The following AGFG1 variants were observed in gnomAD, a reference collection of about 807,000 sequenced individuals.
AGFG1 encodes arf-GAP domain and FG repeat-containing protein 1.
AGFG1 carries 10 observed loss-of-function variants against 60.6 expected under a neutral mutation model. The ratio of observed to expected loss-of-function variants is 0.16; its 90% CI spans 0.10 to 0.28. The LOEUF is 0.28. Ranked by LOEUF, AGFG1 falls within the 10% of genes least tolerant of loss-of-function variation. The pLI is 1.00. For missense variants in AGFG1, 537 were observed against 676.5 expected (o/e 0.79, Z 2.29); for synonymous variants, 247 against 242.9 (o/e 1.02, Z -0.16).
intron 2 of AGFG1, among the ~76,000 whole-genome samples, chr2:227,497,761 T>TTTTTTTTTTTTTTTG (rs546987888): frequency 8.7e-4 from 57 of 65,156 alleles, no homozygotes; most frequent in Non-Finnish European, 1.5e-3. Flanking sequence ...TTTTTTTTTT[T>TTTTTTTTTTTTTTTG]GGGGACGGAG....
intron 1 of AGFG1, among the ~76,000 whole-genome samples, chr2:227,482,775 G>T (rs536610509): frequency 1.3e-5 from 2 of 152,306 alleles, no homozygotes; most frequent in South Asian, 4.1e-4. Flanking sequence ...GCAGCACACT[G>T]ATGGACATAT....
At chr2:227,475,555 A>G (rs1345004203) in intron 1 of AGFG1, among the ~76,000 whole-genome samples, 1 of 152,242 alleles carries the variant, frequency 6.6e-6, no homozygotes, top group Non-Finnish European at 1.5e-5. Context: ...GAAGAATAAT[A>G]TAACTCTTGG....
intron 10 of AGFG1, among the ~76,000 whole-genome samples, chr2:227,543,274 G>A (rs903409198): frequency 1.1e-4 from 16 of 152,018 alleles, no homozygotes; most frequent in African/African-American, 3.9e-4. Context: ...TATCTTTCCT[G>A]CTTTCTCGTG....
chr2:227,551,848 T>C (rs1692830966), intron 10 of AGFG1, 111 bp from the exon 11 acceptor site: 1 of 1,317,804 alleles, frequency 7.6e-7, no homozygotes. Context: ...CTGCCTTTAA[T>C]GTACATCTTA....
intron 10 of AGFG1, among the ~76,000 whole-genome samples, chr2:227,548,091 G>A (rs1430654464): frequency 6.6e-6 from 1 of 152,164 alleles, no homozygotes; most frequent in East Asian, 1.9e-4. Flanking sequence ...GTCACAAAAG[G>A]CCACATATTT....
At chr2:227,540,426 A>G (rs1692456129) in intron 10 of AGFG1, among the ~76,000 whole-genome samples, 1 of 152,038 alleles carries the variant, frequency 6.6e-6, no homozygotes, top group Non-Finnish European at 1.5e-5. Context: ...GTTCCCACCT[A>G]TGAGTTAGAA....
At chr2:227,535,164 T>A in intron 8 of AGFG1, 139 bp downstream of exon 8, 1 of 918,154 alleles carries the variant, frequency 1.1e-6, no homozygotes, top group East Asian at 2.8e-5. Flanking sequence ...AATTTGAATT[T>A]AAATGCTAAT....
chr2:227,543,110 C>T (rs1262350887), intron 10 of AGFG1, among the ~76,000 whole-genome samples: 1 of 152,146 alleles, frequency 6.6e-6, no homozygotes, highest in African/African-American at 2.4e-5. Context: ...AAAACCAGCT[C>T]CTGGATTCAT....
intron 2 of AGFG1, among the ~76,000 whole-genome samples, chr2:227,514,866 T>G (rs572474877): frequency 1.3e-3 from 200 of 152,332 alleles, no homozygotes; most frequent in Non-Finnish European, 2.2e-3. Flanking sequence ...CAATAGATTT[T>G]ATCACTTGCT....
chr2:227,539,499 G>A (rs1046971607), intron 10 of AGFG1, among the ~76,000 whole-genome samples: 10 of 150,200 alleles, frequency 6.7e-5, no homozygotes, highest in Non-Finnish European at 1.5e-4. Context: ...GGTACCCTTT[G>A]ATCCTAGCAC....
At chr2:227,521,189 C>G (rs1691816169) in intron 3 of AGFG1, among the ~76,000 whole-genome samples, 1 of 152,132 alleles carries the variant, frequency 6.6e-6, no homozygotes, top group African/African-American at 2.4e-5. Flanking sequence ...CCTCAGCCTC[C>G]CAAGTAGCTG....
chr2:227,504,160 G>A (rs989758132), intron 2 of AGFG1, among the ~76,000 whole-genome samples: 1 of 151,854 alleles, frequency 6.6e-6, no homozygotes, highest in Non-Finnish European at 1.5e-5. Context: ...TGGAGGGGAG[G>A]CGGAAGAGGC....
At chr2:227,532,219 G>T (rs1692184644) in intron 6 of AGFG1, 1 of 1,539,312 alleles carries the variant, frequency 6.5e-7, no homozygotes, top group Non-Finnish European at 8.8e-7. Context: ...AGTAAGTTCT[G>T]TTGTCAAGTA....
At chr2:227,538,167 GT>G (rs1485756509) in intron 10 of AGFG1, among the ~76,000 whole-genome samples, 1 of 152,154 alleles carries the variant, frequency 6.6e-6, no homozygotes, top group Non-Finnish European at 1.5e-5. Flanking sequence ...TGTGGACTGA[GT>G]TTGTAAAATG....
At chr2:227,512,043 TTAAA>T in intron 2 of AGFG1, among the ~76,000 whole-genome samples, 1 of 152,148 alleles carries the variant, frequency 6.6e-6, no homozygotes, top group East Asian at 1.9e-4. Flanking sequence ...TAGTTTGTGC[TTAAA>T]TAAATTACTT....
In AGFG1 at chr2:227,501,554, G is replaced by C. The variant is rs561341181; in HGVS notation, c.261+9914G>C. Among the ~76,000 whole-genome samples, 5 of 152,248 alleles carry C rather than the reference G, an allele frequency of 3.3e-5. No homozygotes were observed. The East Asian group carries it at 9.7e-4, about 29-fold the overall frequency. ...ATACACATAAACATCATTACAGACA[G>C]TCACTGGACACTTCTTCCTATTCAG... is the stretch of plus-strand genomic sequence containing the variant. On this transcript the variant is annotated intron_variant, in intron 2 of 12. Coordinates refer to ENST00000310078, the MANE Select transcript of AGFG1 (RefSeq NM_004504.5).
At chr2:227,519,399 T>C (rs1691763048) in intron 2 of AGFG1, among the ~76,000 whole-genome samples, 1 of 152,230 alleles carries the variant, frequency 6.6e-6, no homozygotes. Flanking sequence ...TTTATTTCAT[T>C]TCTCTTTTGG....
At chr2:227,550,044 A>G (rs772984723) in intron 10 of AGFG1, 33 of 451,474 alleles carry the variant, frequency 7.3e-5, no homozygotes, top group Middle Eastern at 3.3e-4. Flanking sequence ...TGGTCTCTTT[A>G]TGGCTTTCCA....
At chr2:227,483,000 A>G (rs1690516455) in intron 1 of AGFG1, among the ~76,000 whole-genome samples, 1 of 133,504 alleles carries the variant, frequency 7.5e-6, no homozygotes, top group African/African-American at 2.8e-5. Context: ...TTTTTTTTGC[A>G]CAAAACTGAA....
Sources: gnomAD v4.1 joint callset for allele counts (sites outside exome capture counted in the v4.1 genomes callset) on GRCh38, gnomAD v4.1.1 for gene constraint, MANE v1.5 for transcripts, NCBI Gene and HGNC (gene_info 2026-07-23, HGNC 2026-07-21) for gene names.